PIKFYVE: variants seen among roughly 807,000 people sequenced by gnomAD.
PIKFYVE encodes the protein phosphoinositide kinase, FYVE-type zinc finger containing.
PIKFYVE carries 122 observed loss-of-function variants against 257.9 expected under a neutral mutation model. The observed-to-expected ratio is 0.47, with a 90% CI of 0.41 to 0.55. PIKFYVE has a LOEUF of 0.55. PIKFYVE is among the 20% of genes least tolerant of loss of function. The pLI, the probability that PIKFYVE is intolerant of heterozygous loss-of-function variation, is 0.00. For synonymous variants in PIKFYVE, 892 were observed against 868.9 expected (o/e 1.03, Z -0.47); for missense variants, 2,160 against 2,536.6 (o/e 0.85, Z 3.19).
intron 4 of PIKFYVE, 28 bp downstream of exon 4, chr2:208,276,858 C>T: frequency 6.4e-7 from 1 of 1,567,702 alleles, no homozygotes; most frequent in African/African-American, 1.4e-5. Flanking sequence ...TGGAAGATTA[C>T]TTATTAAGCG....
At chr2:208,292,725 A>G (rs2125234555) in intron 7 of PIKFYVE, among the ~76,000 whole-genome samples, 1 of 152,214 alleles carries the variant, frequency 6.6e-6, no homozygotes, top group East Asian at 1.9e-4. Flanking sequence ...TAAAATTGAC[A>G]CATAATAATT....
chr2:208,317,594 A>G (rs953857178), intron 15 of PIKFYVE, among the ~76,000 whole-genome samples: 3 of 152,188 alleles, frequency 2.0e-5, no homozygotes, highest in Admixed American at 6.5e-5. Context: ...AACTTAAACA[A>G]TAGTGTTAAC....
chr2:208,291,178 A>G (rs1031516240), intron 7 of PIKFYVE, among the ~76,000 whole-genome samples: 3 of 152,088 alleles, frequency 2.0e-5, no homozygotes, highest in Admixed American at 6.6e-5. Context: ...AGTTTCCTCT[A>G]TTCCTAGTTT....
chr2:208,271,398 C>A, intron 1 of PIKFYVE, 113 bp from the exon 2 acceptor site: 1 of 1,006,286 alleles, frequency 9.9e-7, no homozygotes, highest in Non-Finnish European at 1.6e-6. Flanking sequence ...TGTTTGTTTT[C>A]ATAGTCTGAC....
intron 6 of PIKFYVE, 80 bp from the exon 7 acceptor site, chr2:208,288,649 G>T: frequency 6.3e-7 from 1 of 1,576,032 alleles, no homozygotes. Context: ...GATTAAATCT[G>T]CTTTTAATGT....
intron 34 of PIKFYVE, 45 bp from the exon 35 acceptor site, chr2:208,347,814 G>T (rs775802929): frequency 5.9e-6 from 9 of 1,519,072 alleles, no homozygotes; most frequent in South Asian, 5.8e-5. Flanking sequence ...TTTTTCATCT[G>T]TAGTGACCTG....
intron 20 of PIKFYVE, 144 bp from the exon 21 acceptor site, chr2:208,328,036 T>G (rs1212897495): frequency 6.8e-7 from 1 of 1,475,826 alleles, no homozygotes; most frequent in African/African-American, 1.4e-5. Flanking sequence ...CTTCCTTATA[T>G]TTAGTTTTCT....
intron 20 of PIKFYVE, 96 bp from the exon 21 acceptor site, chr2:208,328,084 A>G (rs1697136612): frequency 3.1e-6 from 5 of 1,597,500 alleles, no homozygotes; most frequent in Non-Finnish European, 4.3e-6. Flanking sequence ...CACAGTGATA[A>G]TTGGAGGCTT....
chr2:208,312,656 C>T (rs1335373059), intron 13 of PIKFYVE, among the ~76,000 whole-genome samples: 2 of 152,098 alleles, frequency 1.3e-5, no homozygotes, highest in Non-Finnish European at 2.9e-5. Context: ...TGTCAAAAAG[C>T]CCACAGGCAG....
At chr2:208,320,768 A>G (rs1044272811) in intron 17 of PIKFYVE, among the ~76,000 whole-genome samples, 1 of 152,220 alleles carries the variant, frequency 6.6e-6, no homozygotes, top group Non-Finnish European at 1.5e-5. Flanking sequence ...TTGGTTTCTC[A>G]GTGGTTTTTC....
Position 208,336,051 on chromosome 2 carries a change from A to G in PIKFYVE, c.4371A>G (p.Glu1457=). 1 of 1,614,020 alleles carries G rather than the reference A, an allele frequency of 6.2e-7. No homozygotes were observed. Among genetic ancestry groups the G allele is most frequent in the Non-Finnish European group, 8.5e-7 (1 of 1,179,946 alleles). The part of the protein sequence containing the change: ...MEDIFAQKEM[E]EGEFKNWIEK... ...GTTGTTTCTGTTCCTTGTAGATGGA[A>G]GAAGGTGAGTTCAAGAACTGGATTG... The change falls in exon 27 of 42, where the codon GAA becomes GAG. Residue 1457 remains glutamate, a synonymous_variant. Transcript: ENST00000264380.
At chr2:208,309,734 TG>T (rs1694746063) in intron 12 of PIKFYVE, among the ~76,000 whole-genome samples, 1 of 152,198 alleles carries the variant, frequency 6.6e-6, no homozygotes. Context: ...CCACTGTGCA[TG>T]GTAAGTGTCC....
At chr2:208,330,826 A>C in intron 23 of PIKFYVE, 132 bp downstream of exon 23, 1 of 906,460 alleles carries the variant, frequency 1.1e-6, no homozygotes, top group Admixed American at 2.6e-5. Context: ...TGTCATTGTT[A>C]TTTTACCTTC....
chr2:208,341,406 A>G (rs1298163422), intron 31 of PIKFYVE, among the ~76,000 whole-genome samples: 1 of 151,948 alleles, frequency 6.6e-6, no homozygotes, highest in East Asian at 1.9e-4. Context: ...GTTCTTTCTA[A>G]GAAGAATTTA....
At chr2:208,269,713 C>T in intron 1 of PIKFYVE, 1 of 248,734 alleles carries the variant, frequency 4.0e-6, no homozygotes, top group Non-Finnish European at 8.5e-6. Flanking sequence ...TGGGATCTTG[C>T]CATCCCCCAC....
At chr2:208,328,129 G>A (rs1187657978) in intron 20 of PIKFYVE, 51 bp from the exon 21 acceptor site, 1 of 1,611,656 alleles carries the variant, frequency 6.2e-7, no homozygotes, top group Admixed American at 1.7e-5. Flanking sequence ...GTGCATTGGG[G>A]TTGAATGCGG....
Position 208,267,939 on chromosome 2 carries a change from C to A in PIKFYVE, c.-10+1524C>A, listed in dbSNP as rs558161138. Among the ~76,000 whole-genome samples, 10 of 152,310 alleles carry A rather than the reference C, an allele frequency of 6.6e-5. No homozygotes were observed. The South Asian group carries it at 1.9e-3, about 28-fold the overall frequency. On this transcript the variant is annotated intron_variant, in intron 1 of 41. Coordinates refer to ENST00000264380, the MANE Select transcript of PIKFYVE (RefSeq NM_015040.4). ...GATCACAGGTGTGAGCAGCCACGTC[C>A]GGCCTTTACTGACTGGCTTCTGATA...
Position 208,302,345 on chromosome 2 carries a change from C to T in PIKFYVE, c.1312C>T (p.Pro438Ser), listed in dbSNP as rs1193292588. Residue 438 changes from proline to serine, a missense_variant, in exon 10 of 42, where the codon CCA becomes TCA. Physicochemically the swap from Pro to Ser is moderately conservative, Grantham distance 74. Around this residue, in one of 12 missense-constraint regions of PIKFYVE, gnomAD observed 90 missense variants for 110.6 expected, o/e 0.81. Transcript: ENST00000264380. ...LFRDEYALYR[P>S]LQSTEFSETP... ...CAGAGATGAGTATGCGCTGTATAGA[C>T]CACTGCAGGTACTTTTCAGTGTTTA... 1.9e-6 allele frequency: 3 copies of T among 1,613,262 alleles called. No individual in the cohort carries two copies. In the African/African-American group the frequency reaches 4.0e-5, roughly 22 times the overall value.
chr2:208,317,801 G>A lies in PIKFYVE; in HGVS notation c.2008-66G>A, dbSNP rs112469696. ...AAAAAAAATGGAAAGAAATAATAGC[G>A]TACATCTAACTAGATTCTAAGCATG... On this transcript the variant is annotated intron_variant, in intron 15 of 41. Transcript: ENST00000264380. 114 of 1,382,594 alleles carry A rather than the reference G, an allele frequency of 8.2e-5. 1 individual carries two copies. Among genetic ancestry groups the A allele is most frequent in the African/African-American group, 6.5e-4 (46 of 70,234 alleles). 85.6% of individuals were successfully genotyped at this position (1,382,594 alleles called of 1,614,324 possible).
Sources: allele counts gnomAD v4.1 joint callset (sites outside exome capture counted in the v4.1 genomes callset), GRCh38; gene constraint gnomAD v4.1.1; regional missense constraint gnomAD v4.1.1; transcripts MANE v1.5; gene names NCBI Gene and HGNC (gene_info 2026-07-23, HGNC 2026-07-21).